Variants in GLRA2 observed in about 807,000 individuals in gnomAD.
GLRA2 encodes the protein glycine receptor alpha 2.
In GLRA2, 11 loss-of-function variants were observed where a neutral mutation model predicts 31.6. The ratio of observed to expected loss-of-function variants is 0.35; its 90% CI spans 0.22 to 0.58. The LOEUF is 0.58. GLRA2 is among the 20% of genes least tolerant of loss of function. The pLI, the probability that GLRA2 is intolerant of heterozygous loss-of-function variation, is 0.84. For synonymous variants in GLRA2, 132 were observed against 134.0 expected (o/e 0.99, Z 0.10); for missense variants, 212 against 351.8 (o/e 0.60, Z 3.18).
At chrX:14,667,958 C>G (rs2091051973) in intron 7 of GLRA2, among the ~76,000 whole-genome samples, 1 of 111,850 alleles carries the variant, frequency 8.9e-6, no homozygotes, top group Admixed American at 9.5e-5. Flanking sequence ...GTTAGGAATC[C>G]AGGCACAACT....
At chrX:14,479,482 C>T in the GLRA2 span, among the ~76,000 whole-genome samples, 5 of 111,079 alleles carry the variant, frequency 4.5e-5, no homozygotes, top group African/African-American at 9.8e-5. Context: ...CAGATAATCC[C>T]GTCATCCAGG....
chrX:14,707,432 T>C (rs1207406919), intron 8 of GLRA2, among the ~76,000 whole-genome samples: 6 of 111,578 alleles, frequency 5.4e-5, no homozygotes, highest in Non-Finnish European at 1.1e-4. Context: ...CCAATACTTA[T>C]GAAGTATTTC....
chrX:14,637,583 C>A (rs1011329642), intron 7 of GLRA2, among the ~76,000 whole-genome samples: 2 of 112,042 alleles, frequency 1.8e-5, no homozygotes, highest in African/African-American at 6.5e-5. Context: ...GGCAGCAAAA[C>A]CTGTTCTGAA....
intron 7 of GLRA2, among the ~76,000 whole-genome samples, chrX:14,636,756 C>T (rs190912311): frequency 1.1e-3 from 122 of 111,729 alleles, no homozygotes; most frequent in Non-Finnish European, 1.9e-3. Flanking sequence ...ACTAGGTGTG[C>T]GGTTTATGAA....
chrX:14,679,508 T>G (rs1218877813), intron 7 of GLRA2, among the ~76,000 whole-genome samples: 4 of 111,282 alleles, frequency 3.6e-5, no homozygotes, highest in Non-Finnish European at 7.5e-5. Flanking sequence ...TTTACAAATT[T>G]TTGAAACCCC....
At chrX:14,550,202 G>T (rs1569492454) in intron 2 of GLRA2, among the ~76,000 whole-genome samples, 1 of 108,751 alleles carries the variant, frequency 9.2e-6, no homozygotes, top group East Asian at 2.9e-4. Flanking sequence ...TTAAAAGATT[G>T]GTGCCAAAGA....
At chrX:14,712,695 G>T (rs1922009645) in intron 8 of GLRA2, among the ~76,000 whole-genome samples, 1 of 109,197 alleles carries the variant, frequency 9.2e-6, no homozygotes, top group South Asian at 4.0e-4. Context: ...GGGGGGTTAA[G>T]GTCTAAAAGG....
At chrX:14,454,722 A>G in the GLRA2 span, among the ~76,000 whole-genome samples, 2 of 111,669 alleles carry the variant, frequency 1.8e-5, no homozygotes, top group Non-Finnish European at 1.9e-5. Flanking sequence ...AGGCTAAGTA[A>G]ACATTGTCTG....
At chrX:14,620,209 T>C (rs1191797716) in intron 7 of GLRA2, among the ~76,000 whole-genome samples, 2 of 109,624 alleles carry the variant, frequency 1.8e-5, no homozygotes, top group Non-Finnish European at 3.8e-5. Context: ...TAAGAGGGCA[T>C]CAAGACAGAC....
intron 7 of GLRA2, among the ~76,000 whole-genome samples, chrX:14,670,952 C>T (rs757226927): frequency 8.9e-6 from 1 of 111,744 alleles, no homozygotes; most frequent in Admixed American, 9.5e-5. Flanking sequence ...GGAGAGTTGG[C>T]ATATGCTGAA....
intron 7 of GLRA2, among the ~76,000 whole-genome samples, chrX:14,680,647 T>C (rs1433026110): frequency 1.8e-5 from 2 of 112,038 alleles, no homozygotes; most frequent in Non-Finnish European, 3.8e-5. Context: ...CATCACATCA[T>C]ATGTGATAGA....
chrX:14,721,120 C>CA (rs35339624), intron 8 of GLRA2, among the ~76,000 whole-genome samples: 1,369 of 71,637 alleles, frequency 0.019, 22 homozygotes, highest in African/African-American at 0.065. Flanking sequence ...GACCCTGTCT[C>CA]AAAAAAAAAA....
chrX:14,620,003 G>GT (rs570158352), intron 7 of GLRA2, among the ~76,000 whole-genome samples: 24,367 of 100,126 alleles, frequency 0.24, 2,298 homozygotes, highest in Non-Finnish European at 0.26. Flanking sequence ...GCGCCCCCCC[G>GT]TTTTTTTTTT....
At chrX:14,579,914 G>GAAAAAC (rs748382708) in intron 3 of GLRA2, among the ~76,000 whole-genome samples, 1 of 111,804 alleles carries the variant, frequency 8.9e-6, no homozygotes, top group African/African-American at 3.2e-5. Flanking sequence ...AGGTAAAAAA[G>GAAAAAC]AAAAACAAAA....
chrX:14,588,909 A>G (rs1311918146), intron 4 of GLRA2, among the ~76,000 whole-genome samples: 1 of 111,873 alleles, frequency 8.9e-6, no homozygotes, highest in Non-Finnish European at 1.9e-5. Context: ...AATGCTACTG[A>G]TTTTTGTACA....
chrX:14,688,230 T>G (rs1228758820), intron 7 of GLRA2, among the ~76,000 whole-genome samples: 8 of 111,535 alleles, frequency 7.2e-5, no homozygotes, highest in Non-Finnish European at 1.3e-4. Context: ...TGCCTCCCAG[T>G]TAGGCTACTC....
chrX:14,547,194 C>G (rs1416198672), intron 2 of GLRA2, among the ~76,000 whole-genome samples: 2 of 111,251 alleles, frequency 1.8e-5, no homozygotes, highest in African/African-American at 6.5e-5. Flanking sequence ...AAAATAAACT[C>G]CTGTACTTTT....
intron 4 of GLRA2, among the ~76,000 whole-genome samples, chrX:14,592,053 C>T (rs1253688965): frequency 1.8e-5 from 2 of 111,438 alleles, no homozygotes; most frequent in African/African-American, 6.5e-5. Context: ...TCAGTTTCCT[C>T]TATAAAATGA....
chrX:14,602,352 G>GTTGTTTGTTTGTTTGT (rs368812932), intron 4 of GLRA2, among the ~76,000 whole-genome samples: 1 of 104,217 alleles, frequency 9.6e-6, no homozygotes, highest in Non-Finnish European at 2.0e-5. Context: ...TGTACAAACC[G>GTTGTTTGTTTGTTTGT]TTGTTTGTTT....
Sources: gnomAD v4.1 joint callset for allele counts (sites outside exome capture counted in the v4.1 genomes callset) on GRCh38, gnomAD v4.1.1 for gene constraint, MANE v1.5 for transcripts, NCBI Gene and HGNC (gene_info 2026-07-23, HGNC 2026-07-21) for gene names.